KCNH7: variants seen among roughly 807,000 people sequenced by gnomAD.
The protein encoded by KCNH7 is voltage-gated inwardly rectifying potassium channel KCNH7.
In KCNH7, 49 loss-of-function variants were observed where a neutral mutation model predicts 120.8. The observed-to-expected ratio is 0.41, with a 90% CI of 0.32 to 0.51. The LOEUF (loss-of-function observed/expected upper bound fraction) is 0.51, where lower values mean the gene tolerates loss of function less well. Ranked by LOEUF, KCNH7 falls within the 20% of genes least tolerant of loss-of-function variation. KCNH7 has a pLI of 0.38. For synonymous variants in KCNH7, 547 were observed against 516.1 expected (o/e 1.06, Z -0.81); for missense variants, 1,097 against 1,446.6 (o/e 0.76, Z 3.92).
At chr2:162,581,941 G>T (rs534978036) in intron 2 of KCNH7, among the ~76,000 whole-genome samples, 11 of 152,174 alleles carry the variant, frequency 7.2e-5, no homozygotes, top group Admixed American at 2.0e-4. Context: ...CTGCTGAGTT[G>T]CACTCCCCCT....
intron 2 of KCNH7, among the ~76,000 whole-genome samples, chr2:162,655,787 G>A (rs983225369): frequency 3.3e-5 from 5 of 151,984 alleles, no homozygotes; most frequent in Admixed American, 1.3e-4. Context: ...GCAAGACTCC[G>A]TCTCAAAAAA....
intron 2 of KCNH7, among the ~76,000 whole-genome samples, chr2:162,756,637 G>A (rs958130260): frequency 6.6e-6 from 1 of 151,884 alleles, no homozygotes; most frequent in Non-Finnish European, 1.5e-5. Context: ...GTTAATTTTT[G>A]TTTATTTTTT....
At chr2:162,780,078 A>G (rs561289367) in intron 2 of KCNH7, among the ~76,000 whole-genome samples, 1 of 152,314 alleles carries the variant, frequency 6.6e-6, no homozygotes, top group South Asian at 2.1e-4. Context: ...ATGAATTATG[A>G]ATTTGATAAA....
intron 2 of KCNH7, among the ~76,000 whole-genome samples, chr2:162,766,864 T>TACACACACACAC (rs200638624): frequency 4.9e-5 from 7 of 141,516 alleles, no homozygotes; most frequent in East Asian, 4.1e-4. Flanking sequence ...CTAAGCACAT[T>TACACACACACAC]ACACACACAC....
At chr2:162,820,283 G>T (rs1460997417) in intron 2 of KCNH7, among the ~76,000 whole-genome samples, 4 of 147,196 alleles carry the variant, frequency 2.7e-5, no homozygotes, top group African/African-American at 1.0e-4. Flanking sequence ...CACTGTGTTA[G>T]CCAGGATGGT....
intron 2 of KCNH7, among the ~76,000 whole-genome samples, chr2:162,742,208 G>A (rs549859569): frequency 2.7e-4 from 41 of 152,108 alleles, no homozygotes; most frequent in Non-Finnish European, 5.6e-4. Context: ...CATGTGACCT[G>A]GAAATGATCT....
chr2:162,563,588 G>A (rs879561724), intron 2 of KCNH7, among the ~76,000 whole-genome samples: 1 of 152,074 alleles, frequency 6.6e-6, no homozygotes, highest in Non-Finnish European at 1.5e-5. Flanking sequence ...TTGTGACCTT[G>A]AATTGACAAA....
chr2:162,468,389 C>T, intron 6 of KCNH7, among the ~76,000 whole-genome samples: 1 of 151,838 alleles, frequency 6.6e-6, no homozygotes, highest in African/African-American at 2.4e-5. Context: ...ATGAAATTTG[C>T]TTATGATCTA....
intron 2 of KCNH7, among the ~76,000 whole-genome samples, chr2:162,787,462 C>T (rs1683753787): frequency 6.6e-6 from 1 of 151,994 alleles, no homozygotes; most frequent in Non-Finnish European, 1.5e-5. Context: ...GCCTCTGTGG[C>T]CCTGAGCACC....
intron 6 of KCNH7, among the ~76,000 whole-genome samples, chr2:162,449,601 A>G (rs1332553387): frequency 6.6e-6 from 1 of 152,058 alleles, no homozygotes; most frequent in Non-Finnish European, 1.5e-5. Context: ...ACAGAAAGAC[A>G]CACAACCAAA....
chr2:162,414,363 G>A (rs73014864), intron 9 of KCNH7, among the ~76,000 whole-genome samples: 9,273 of 151,714 alleles, frequency 0.061, 881 homozygotes, highest in African/African-American at 0.2. Flanking sequence ...TCAAATGAAT[G>A]CCCAGCAATG....
At chr2:162,477,819 T>C (rs1689799069) in intron 6 of KCNH7, among the ~76,000 whole-genome samples, 1 of 149,058 alleles carries the variant, frequency 6.7e-6, no homozygotes, top group Admixed American at 6.7e-5. Context: ...CAAACATCTA[T>C]CCATCCATCC....
intron 2 of KCNH7, among the ~76,000 whole-genome samples, chr2:162,734,671 C>T (rs1646018608): frequency 6.6e-6 from 1 of 151,756 alleles, no homozygotes; most frequent in Admixed American, 6.6e-5. Context: ...ACTTTTCAAA[C>T]TCATGGCATA....
rs374482139 is a variant in KCNH7 at position 162,510,276 on chromosome 2, A to T, written c.913+2378T>A. Among the ~76,000 whole-genome samples the T allele has an allele frequency of 7.2e-5, 11 of 151,800 alleles. 1 individual carries two copies. The South Asian group carries it at 2.3e-3, about 31-fold the overall frequency. ...GAAATAGATCCTAAGAAAGAAGATT[A>T]AGTGGAAATTAGTTTTAGAAAAAAG... On this transcript the variant is annotated intron_variant, in intron 5 of 15. Coordinates refer to ENST00000332142, the MANE Select transcript of KCNH7 (RefSeq NM_033272.4).
intron 6 of KCNH7, among the ~76,000 whole-genome samples, chr2:162,482,251 T>C (rs955280449): frequency 2.0e-5 from 3 of 152,200 alleles, no homozygotes; most frequent in African/African-American, 4.8e-5. Flanking sequence ...ATAGGTCTAG[T>C]CTAGGAATTG....
At chr2:162,470,587 C>A (rs954711106) in intron 6 of KCNH7, among the ~76,000 whole-genome samples, 5 of 151,650 alleles carry the variant, frequency 3.3e-5, no homozygotes, top group Non-Finnish European at 2.9e-5. Flanking sequence ...GGGGTCAGCC[C>A]CCGCCAGGCC....
intron 6 of KCNH7, among the ~76,000 whole-genome samples, chr2:162,491,293 T>C (rs971298934): frequency 6.6e-6 from 1 of 152,210 alleles, no homozygotes; most frequent in African/African-American, 2.4e-5. Context: ...CTGTTTATTT[T>C]TCTTTTTCCC....
chr2:162,667,494 T>C (rs1685180615), intron 2 of KCNH7, among the ~76,000 whole-genome samples: 1 of 152,162 alleles, frequency 6.6e-6, no homozygotes, highest in South Asian at 2.1e-4. Context: ...TCTGACCATA[T>C]ATTCCTCTAC....
chr2:162,443,974 C>A (rs914671989), intron 7 of KCNH7, among the ~76,000 whole-genome samples: 1 of 152,206 alleles, frequency 6.6e-6, no homozygotes, highest in African/African-American at 2.4e-5. Flanking sequence ...AAATGCTCTG[C>A]ACGGTGGTCT....
Sources: allele counts gnomAD v4.1 joint callset (sites outside exome capture counted in the v4.1 genomes callset), GRCh38; gene constraint gnomAD v4.1.1; transcripts MANE v1.5; gene names NCBI Gene and HGNC (gene_info 2026-07-23, HGNC 2026-07-21).